EDEM3: variants seen among roughly 807,000 people sequenced by gnomAD.
EDEM3 encodes the protein ER degradation-enhancing alpha-mannosidase-like protein 3.
A neutral mutation model predicts 110.2 loss-of-function variants in EDEM3; 60 were observed. That is an observed-to-expected ratio of 0.54 (90% CI 0.44 to 0.67). The LOEUF is 0.67. EDEM3 is among the 30% of genes least tolerant of loss of function. EDEM3 has a pLI of 0.00. For missense variants in EDEM3, 996 were observed against 1,121.0 expected (o/e 0.89, Z 1.59); for synonymous variants, 352 against 382.9 (o/e 0.92, Z 0.94).
intron 6 of EDEM3, among the ~76,000 whole-genome samples, chr1:184,726,841 T>C (rs1036209367): frequency 6.6e-5 from 10 of 152,334 alleles, no homozygotes; most frequent in South Asian, 2.1e-4. Context: ...TAGTTCACCA[T>C]AGAGAAAAAA....
chr1:184,713,701 A>T (rs1323574071), intron 13 of EDEM3, among the ~76,000 whole-genome samples: 1 of 152,234 alleles, frequency 6.6e-6, no homozygotes, highest in African/African-American at 2.4e-5. Flanking sequence ...GAGAGGGAGT[A>T]GAACAAAGAA....
chr1:184,739,717 A>C (rs1652029281), intron 2 of EDEM3, among the ~76,000 whole-genome samples: 2 of 152,158 alleles, frequency 1.3e-5, no homozygotes, highest in African/African-American at 4.8e-5. Flanking sequence ...TCTGGTGTAG[A>C]TGGTAATGAA....
chr1:184,752,291 C>G (rs1652813232), intron 1 of EDEM3, among the ~76,000 whole-genome samples: 1 of 152,020 alleles, frequency 6.6e-6, no homozygotes, highest in Non-Finnish European at 1.5e-5. Context: ...CAGTCTTTAT[C>G]AACTATTTGG....
chr1:184,696,168 C>T (rs2102053090), intron 19 of EDEM3, among the ~76,000 whole-genome samples: 1 of 151,964 alleles, frequency 6.6e-6, no homozygotes, highest in South Asian at 2.1e-4. Flanking sequence ...AGACAGGGGT[C>T]CTCACCACAC....
intron 7 of EDEM3, among the ~76,000 whole-genome samples, chr1:184,724,547 A>C (rs1347873181): frequency 1.3e-5 from 2 of 152,202 alleles, no homozygotes; most frequent in Non-Finnish European, 2.9e-5. Context: ...GCAAAGGGCA[A>C]GTACAGGCAG....
In EDEM3 at chr1:184,690,478, C is replaced by T. The variant is rs191101127; in HGVS notation, c.*3585G>A. ...AAGTATGAGGATATGCACAGTGATT[C>T]TAAAAATTCAAATTAAAACTAAACT... On this transcript the variant is annotated 3_prime_UTR_variant, in exon 20 of 20. Transcript: ENST00000318130. The T allele has an allele frequency of 2.0e-5, 3 of 152,222 alleles. No homozygotes were observed. Among genetic ancestry groups the T allele is most frequent in the Non-Finnish European group, 4.4e-5 (3 of 67,926 alleles). 9.4% of individuals were successfully genotyped at this position (152,222 alleles called of 1,614,324 possible).
At chr1:184,746,965 T>A (rs889884974) in intron 2 of EDEM3, among the ~76,000 whole-genome samples, 1 of 151,620 alleles carries the variant, frequency 6.6e-6, no homozygotes, top group Admixed American at 6.6e-5. Flanking sequence ...TATTTTTAAT[T>A]AAGTTTATTA....
chr1:184,712,149 A>G lies in EDEM3; in HGVS notation c.1537-272T>C, dbSNP rs931981028. ...CACCATGTTAGCCAGGATGGTCTCA[A>G]TCTCCTGACCTTGTGATCCACCTAC... On this transcript the variant is annotated intron_variant, in intron 14 of 19. Coordinates refer to ENST00000318130, the MANE Select transcript of EDEM3 (RefSeq NM_025191.4). 2.0e-5 allele frequency among the ~76,000 whole-genome samples: 3 copies of G among 152,118 alleles called. 1 individual carries two copies. Among genetic ancestry groups the G allele is most frequent in the East Asian group, 3.9e-4 (2 of 5,172 alleles).
In EDEM3 at chr1:184,708,148, C is replaced by T; in HGVS notation, c.2037+5G>A. The T allele has an allele frequency of 6.2e-7, 1 of 1,605,890 alleles. No homozygotes were observed. The highest frequency in any genetic ancestry group is 8.5e-7 in the Non-Finnish European group (1 of 1,176,580). ...TTTCAACAACTATATTTTAAGTATA[C>T]ATACCTCTTTATGTTTAGACAGATC... On this transcript the variant is annotated splice_donor_5th_base_variant and intron_variant, in intron 17 of 19. Coordinates refer to ENST00000318130, the MANE Select transcript of EDEM3 (RefSeq NM_025191.4).
Position 184,732,937 on chromosome 1 carries a change from T to A in EDEM3, c.512A>T (p.Tyr171Phe). 1.9e-6 allele frequency: 3 copies of A among 1,614,098 alleles called. No homozygotes were observed. The highest frequency in any genetic ancestry group is 1.7e-6 in the Non-Finnish European group (2 of 1,179,972). Residue 171 changes from tyrosine to phenylalanine, a missense_variant, in exon 6 of 20, where the codon TAT becomes TTT. Tyr to Phe is a conservative substitution (Grantham distance 22). Around this residue, in one of 5 missense-constraint regions of EDEM3, gnomAD observed 310 missense variants for 394.6 expected, o/e 0.79. Transcript: ENST00000318130. Reference sequence around the variant, plus strand: ...AAGTTCATCATTGTACCACTGCATATATTCACCTTTTTCTTTCAGCATGAT... The same window carrying A: ...AAGTTCATCATTGTACCACTGCATAAATTCACCTTTTTCTTTCAGCATGAT... Reference protein sequence around the residue: ...LAIMLKEKGEYMQWYNDELLQ... With the variant: ...LAIMLKEKGEFMQWYNDELLQ...
intron 11 of EDEM3, among the ~76,000 whole-genome samples, chr1:184,718,007 G>A (rs570045313): frequency 7.9e-5 from 12 of 151,526 alleles, no homozygotes; most frequent in Non-Finnish European, 1.5e-4. Context: ...TTTTTAAATC[G>A]ACAAATAAAA....
rs1212725369 is a variant in EDEM3 at position 184,702,804 on chromosome 1, C to T, written c.2389+7G>A. 1.3e-6 allele frequency: 2 copies of T among 1,573,000 alleles called. No homozygotes were observed. The highest frequency in any genetic ancestry group is 1.7e-6 in the Non-Finnish European group (2 of 1,161,838). ...GCATAAAAAAACAAATGGTATTTTACTCTTACCTCGATCTTTTGCTTTATC... is the reference window on the plus strand; with the variant it reads ...GCATAAAAAAACAAATGGTATTTTATTCTTACCTCGATCTTTTGCTTTATC... On this transcript the variant is annotated splice_region_variant and intron_variant, in intron 19 of 19. Transcript: ENST00000318130.
chr1:184,694,147 T>A lies in EDEM3; in HGVS notation c.2715A>T (p.Lys905Asn). The A allele has an allele frequency of 1.2e-6, 2 of 1,613,460 alleles. No homozygotes were observed. Among genetic ancestry groups the A allele is most frequent in the Non-Finnish European group, 1.7e-6 (2 of 1,179,632 alleles). Reference sequence around the variant, plus strand: ...ATATGGAGTCTATAGGCTGGACCTTTTTACCCCAGCTAACATTAGGATTGG... The same window carrying A: ...ATATGGAGTCTATAGGCTGGACCTTATTACCCCAGCTAACATTAGGATTGG... Reference protein sequence around the residue: ...EDSNPNVSWGKKVQPIDSILA... With the variant: ...EDSNPNVSWGNKVQPIDSILA... The change falls in exon 20 of 20, where the codon AAA (lysine) becomes AAT (asparagine). Residue 905 changes from lysine to asparagine, a missense_variant. Lys to Asn is a moderately conservative substitution (Grantham distance 94). Transcript: ENST00000318130.
chr1:184,696,582 T>C (rs1291665893), intron 19 of EDEM3, among the ~76,000 whole-genome samples: 3 of 151,950 alleles, frequency 2.0e-5, no homozygotes, highest in South Asian at 2.1e-4. Flanking sequence ...GGGTTTTTTT[T>C]CCGGAGGGGA....
Position 184,716,902 on chromosome 1 carries a change from T to C in EDEM3, c.1356A>G (p.Gly452=). 1 of 1,613,362 alleles carries C rather than the reference T, an allele frequency of 6.2e-7. No individual in the cohort carries two copies. The highest frequency in any genetic ancestry group is 8.5e-7 in the Non-Finnish European group (1 of 1,179,416). ...GFAAMKDVRT[G]SHEDRMDSFF... ...AATTGTTTTACCTGTCCTCATGACT[T>C]CCAGTACGAACATCCTTCATGGCAG... Residue 452 remains glycine (G), a synonymous_variant, in exon 13 of 20, where the codon GGA becomes GGG. Coordinates refer to ENST00000318130, the MANE Select transcript of EDEM3 (RefSeq NM_025191.4).
chr1:184,744,312 T>C (rs568609597), intron 2 of EDEM3, among the ~76,000 whole-genome samples: 72 of 141,626 alleles, frequency 5.1e-4, no homozygotes, highest in African/African-American at 1.8e-3. Context: ...AATAAGCATA[T>C]GGGAAAATTT....
Position 184,710,386 on chromosome 1 carries a change from T to C in EDEM3, c.1845+8A>G. The C allele has an allele frequency of 6.2e-7, 1 of 1,613,110 alleles. No homozygotes were observed. ...AGACGGTATCTAATTAGTGTAGCAA[T>C]GTCTTACTTGGATTGCATGTTGGAC... On this transcript the variant is annotated splice_region_variant and intron_variant, in intron 16 of 19. Transcript: ENST00000318130.
intron 2 of EDEM3, among the ~76,000 whole-genome samples, chr1:184,748,268 G>A (rs1381911855): frequency 6.6e-6 from 1 of 152,094 alleles, no homozygotes; most frequent in Non-Finnish European, 1.5e-5. Context: ...CCAACATGGT[G>A]AAACCCCATC....
rs769644093 is a variant in EDEM3 at position 184,754,573 on chromosome 1, G to A, written c.74C>T (p.Thr25Met). 3.7e-6 allele frequency: 6 copies of A among 1,609,584 alleles called. No homozygotes were observed. In the East Asian group the frequency reaches 6.7e-5, roughly 18 times the overall value. The change falls in exon 1 of 20, where the codon ACG (threonine) becomes ATG (methionine). Residue 25 changes from threonine (T) to methionine (M), a missense_variant. Thr to Met is a moderately conservative substitution (Grantham distance 81, BLOSUM62 -1). Transcript: ENST00000318130. Reference sequence around the variant, plus strand: ...GGCCGACACCAGGCAGAACGCGGCCGTCGCCGCCACTAGTCTCCATCGCGC... The same window carrying A: ...GGCCGACACCAGGCAGAACGCGGCCATCGCCGCCACTAGTCTCCATCGCGC... The part of the protein sequence containing the change: ...QRARWRLVAA[T>M]AAFCLVSATS...
Sources: gnomAD v4.1 joint callset for allele counts (sites outside exome capture counted in the v4.1 genomes callset) on GRCh38, gnomAD v4.1.1 for gene constraint, gnomAD v4.1.1 regional missense constraint, MANE v1.5 for transcripts, NCBI Gene and HGNC (gene_info 2026-07-23, HGNC 2026-07-21) for gene names.